Variants in SPECC1 observed in about 807,000 individuals in gnomAD.
SPECC1 encodes sperm antigen with calponin homology and coiled-coil domains 1, also known as cytospin-B.
In SPECC1, 62 loss-of-function variants were observed where a neutral mutation model predicts 104.1. That is an observed-to-expected ratio of 0.60 (90% confidence interval 0.49 to 0.74). The LOEUF (loss-of-function observed/expected upper bound fraction) is 0.74, where lower values mean the gene tolerates loss of function less well. SPECC1 is among the 30% of genes least tolerant of loss of function. SPECC1 has a pLI of 0.00. For synonymous variants in SPECC1, 513 were observed against 501.6 expected (o/e 1.02, Z -0.30); for missense variants, 1,306 against 1,310.5 (o/e 1.00, Z 0.05).
intron 3 of SPECC1, among the ~76,000 whole-genome samples, chr17:20,135,609 C>T (rs969826934): frequency 3.0e-4 from 45 of 152,104 alleles, no homozygotes; most frequent in Non-Finnish European, 8.8e-5. Context: ...GCATGCACCA[C>T]CATGCCTGGA....
chr17:20,018,370 A>G (rs973095710), intron 1 of SPECC1, among the ~76,000 whole-genome samples: 1 of 152,250 alleles, frequency 6.6e-6, no homozygotes, highest in African/African-American at 2.4e-5. Flanking sequence ...ATTTTAAGAC[A>G]CTTGGAAGGC....
In SPECC1 at chr17:20,255,607, A is replaced by C. The variant is rs557325199; in HGVS notation, c.2681-1844A>C. Among the ~76,000 whole-genome samples the C allele has an allele frequency of 1.3e-4, 20 of 152,274 alleles. No homozygotes were observed. The South Asian group carries it at 4.1e-3, about 32-fold the overall frequency. On this transcript the variant is annotated intron_variant, in intron 10 of 14. Coordinates refer to ENST00000395527, the MANE Select transcript of SPECC1 (RefSeq NM_001243439.2). ...CTTTGAGAGAGAGTCTTGCTGTCAC[A>C]CAGGCAGGAGTGCAGTGGCATTATC...
chr17:20,213,443 AAAG>A (rs1279414554), intron 4 of SPECC1, among the ~76,000 whole-genome samples: 1 of 152,190 alleles, frequency 6.6e-6, no homozygotes, highest in Non-Finnish European at 1.5e-5. Context: ...ACCTGAAAGC[AAAG>A]AAGAGACAGA....
At chr17:20,066,826 C>A (rs1201788896) in intron 1 of SPECC1, among the ~76,000 whole-genome samples, 1 of 151,924 alleles carries the variant, frequency 6.6e-6, no homozygotes, top group Admixed American at 6.6e-5. Context: ...GTACCTTCAA[C>A]CTCCTGGGCT....
At chr17:20,214,157 C>T (rs1012739360) in intron 4 of SPECC1, among the ~76,000 whole-genome samples, 8 of 152,170 alleles carry the variant, frequency 5.3e-5, no homozygotes, top group African/African-American at 1.7e-4. Flanking sequence ...CTCAAGCAGC[C>T]CTCCCACTTT....
At chr17:20,016,553 A>C (rs1483638440) in intron 1 of SPECC1, among the ~76,000 whole-genome samples, 3 of 152,136 alleles carry the variant, frequency 2.0e-5, no homozygotes, top group African/African-American at 4.8e-5. Context: ...CGGGCCCCGC[A>C]CTGGGAGCGG....
At chr17:20,129,628 C>A (rs1024297930) in intron 3 of SPECC1, among the ~76,000 whole-genome samples, 1 of 152,186 alleles carries the variant, frequency 6.6e-6, no homozygotes, top group Non-Finnish European at 1.5e-5. Flanking sequence ...GGGTCTTTCA[C>A]AGACCAAAAA....
At chr17:20,097,362 A>AG (rs1315758899) in intron 2 of SPECC1, among the ~76,000 whole-genome samples, 1 of 152,188 alleles carries the variant, frequency 6.6e-6, no homozygotes. Flanking sequence ...GTGCCTCCTT[A>AG]GCTGCCCTGA....
chr17:20,201,707 A>G (rs2036447568), intron 3 of SPECC1, among the ~76,000 whole-genome samples: 1 of 152,198 alleles, frequency 6.6e-6, no homozygotes, highest in Non-Finnish European at 1.5e-5. Flanking sequence ...GTGGTTTTTA[A>G]TACTTATTTC....
At chr17:20,224,695 G>A (rs1351995113) in intron 4 of SPECC1, among the ~76,000 whole-genome samples, 2 of 152,144 alleles carry the variant, frequency 1.3e-5, no homozygotes, top group Non-Finnish European at 2.9e-5. Flanking sequence ...CAGCAGGTCT[G>A]GATCTCTCCC....
intron 1 of SPECC1, among the ~76,000 whole-genome samples, chr17:20,091,672 T>TA (rs1597678959): frequency 6.6e-6 from 1 of 152,144 alleles, no homozygotes; most frequent in Non-Finnish European, 1.5e-5. Flanking sequence ...GTGGTTCACT[T>TA]ACGTTCTATT....
chr17:20,236,115 G>A (rs2038895546), intron 7 of SPECC1, among the ~76,000 whole-genome samples: 1 of 152,140 alleles, frequency 6.6e-6, no homozygotes, highest in Non-Finnish European at 1.5e-5. Context: ...CAGCTGTCTT[G>A]CCACAGATGC....
At chr17:20,043,522 A>G (rs1453113111) in intron 1 of SPECC1, among the ~76,000 whole-genome samples, 1 of 152,142 alleles carries the variant, frequency 6.6e-6, no homozygotes, top group Admixed American at 6.5e-5. Context: ...ATTTTAATTC[A>G]TGTTTTATAA....
At chr17:20,088,374 A>G (rs1300876256) in intron 1 of SPECC1, among the ~76,000 whole-genome samples, 1 of 152,180 alleles carries the variant, frequency 6.6e-6, no homozygotes, top group Non-Finnish European at 1.5e-5. Context: ...GTGGTAGGCA[A>G]GAAGGGGCAA....
Position 20,220,482 on chromosome 17 carries a change from G to A in SPECC1, c.1864-6931G>A, listed in dbSNP as rs374194097. 7.3e-5 allele frequency among the ~76,000 whole-genome samples: 11 copies of A among 151,212 alleles called. No homozygotes were observed. The East Asian group carries it at 2.1e-3, about 29-fold the overall frequency. On this transcript the variant is annotated intron_variant, in intron 4 of 14. Coordinates refer to ENST00000395527, the MANE Select transcript of SPECC1 (RefSeq NM_001243439.2). Reference sequence around the variant, plus strand: ...TCCTTTTTCAGATTGTTCACTGTTGGCATATAAAAATGCTACTGATTTTTG... The same window carrying A: ...TCCTTTTTCAGATTGTTCACTGTTGACATATAAAAATGCTACTGATTTTTG...
At chr17:20,190,559 C>T (rs2035599421) in intron 3 of SPECC1, among the ~76,000 whole-genome samples, 1 of 152,184 alleles carries the variant, frequency 6.6e-6, no homozygotes, top group Non-Finnish European at 1.5e-5. Context: ...CTATAGTGTA[C>T]TCCTGTTCCC....
chr17:20,274,533 A>G (rs1225070075), intron 12 of SPECC1, among the ~76,000 whole-genome samples: 1 of 112,332 alleles, frequency 8.9e-6, no homozygotes, highest in African/African-American at 3.5e-5. Context: ...TTTGAGAGGT[A>G]GTCTCAAAAA....
intron 1 of SPECC1, among the ~76,000 whole-genome samples, chr17:20,054,228 C>T (rs1048856613): frequency 6.6e-6 from 1 of 152,190 alleles, no homozygotes; most frequent in Non-Finnish European, 1.5e-5. Flanking sequence ...GAATTGTCCC[C>T]ATTGACTAGA....
chr17:20,036,162 T>A (rs1385632955), intron 1 of SPECC1, among the ~76,000 whole-genome samples: 3 of 150,658 alleles, frequency 2.0e-5, no homozygotes, highest in Non-Finnish European at 4.4e-5. Flanking sequence ...TGAGATGGAG[T>A]CTCACTCTGT....
Sources: gnomAD v4.1 joint callset for allele counts (sites outside exome capture counted in the v4.1 genomes callset) on GRCh38, gnomAD v4.1.1 for gene constraint, MANE v1.5 for transcripts, NCBI Gene and HGNC (gene_info 2026-07-23, HGNC 2026-07-21) for gene names.